CEP128: variants seen among roughly 807,000 people sequenced by gnomAD.
CEP128 encodes the protein centrosomal protein 128kDa.
Under a neutral mutation model 156.7 loss-of-function variants are expected in CEP128, and 132 were observed. That is an observed-to-expected ratio of 0.84 (90% confidence interval 0.73 to 0.97). CEP128 has a LOEUF of 0.97. Ranked by LOEUF, CEP128 falls within the 50% of genes least tolerant of loss-of-function variation. CEP128 has a pLI of 0.00. For missense variants in CEP128, 1,252 were observed against 1,281.9 expected (o/e 0.98, Z 0.36); for synonymous variants, 469 against 448.9 (o/e 1.04, Z -0.57).
chr14:80,776,620 A>G (rs1000286306), intron 16 of CEP128, among the ~76,000 whole-genome samples: 11 of 150,784 alleles, frequency 7.3e-5, no homozygotes, highest in Non-Finnish European at 1.5e-4. Context: ...AAGCACTAAG[A>G]AAGTTTCTTC....
chr14:80,664,228 C>T (rs905747847), intron 19 of CEP128, among the ~76,000 whole-genome samples: 1 of 152,024 alleles, frequency 6.6e-6, no homozygotes, highest in African/African-American at 2.4e-5. Context: ...TGGTGAGGGC[C>T]TCAAGAAAAG....
chr14:80,596,687 C>T (rs1188917007), intron 19 of CEP128, among the ~76,000 whole-genome samples: 2 of 150,002 alleles, frequency 1.3e-5, no homozygotes, highest in Non-Finnish European at 3.0e-5. Flanking sequence ...GTGGCTTGCA[C>T]CTATAGTCCT....
At chr14:80,544,308 T>C (rs1290094678) in intron 21 of CEP128, among the ~76,000 whole-genome samples, 17 of 152,140 alleles carry the variant, frequency 1.1e-4, no homozygotes, top group Non-Finnish European at 1.5e-5. Context: ...GTAATAAAAA[T>C]ACCATAAAGT....
At chr14:80,495,356 A>G (rs1450411688), downstream of CEP128, among the ~76,000 whole-genome samples, 1 of 152,140 alleles carries the variant, frequency 6.6e-6, no homozygotes, top group East Asian at 1.9e-4. Flanking sequence ...CTCAGAGGAG[A>G]CAGGTCCCTG....
At chr14:80,516,564 A>G (rs2371299) in intron 23 of CEP128, among the ~76,000 whole-genome samples, 122,343 of 151,702 alleles carry the variant, frequency 0.81, 50,811 homozygotes, top group Middle Eastern at 0.9. Context: ...GTTTATTGAG[A>G]ATCCCACAGT....
chr14:80,612,692 G>A (rs548521056), intron 19 of CEP128, among the ~76,000 whole-genome samples: 1 of 152,130 alleles, frequency 6.6e-6, no homozygotes, highest in Non-Finnish European at 1.5e-5. Flanking sequence ...TACTATTAGT[G>A]AAATTTAAAA....
At chr14:80,873,830 A>G (rs1328215669) in intron 8 of CEP128, among the ~76,000 whole-genome samples, 1 of 152,110 alleles carries the variant, frequency 6.6e-6, no homozygotes, top group African/African-American at 2.4e-5. Context: ...CGAATATTTT[A>G]AATAAAATAT....
chr14:80,820,866 G>A (rs1303400241), intron 13 of CEP128, among the ~76,000 whole-genome samples: 1 of 152,006 alleles, frequency 6.6e-6, no homozygotes, highest in Non-Finnish European at 1.5e-5. Flanking sequence ...CTAAGGAAGA[G>A]CAAAATACAA....
At chr14:80,616,055 C>T (rs948020509) in intron 19 of CEP128, among the ~76,000 whole-genome samples, 2 of 152,168 alleles carry the variant, frequency 1.3e-5, no homozygotes, top group Non-Finnish European at 2.9e-5. Context: ...GAAACTAAAA[C>T]CACATCTGTG....
intron 18 of CEP128, among the ~76,000 whole-genome samples, chr14:80,744,554 A>T (rs1392432941): frequency 3.3e-5 from 5 of 152,220 alleles, no homozygotes; most frequent in Non-Finnish European, 1.5e-5. Flanking sequence ...AGAAACATTT[A>T]TTCAAGAAAC....
chr14:80,668,086 G>A (rs1471829396), intron 19 of CEP128, among the ~76,000 whole-genome samples: 1 of 152,138 alleles, frequency 6.6e-6, no homozygotes, highest in Non-Finnish European at 1.5e-5. Context: ...CATTTTACGT[G>A]AAGTAACACA....
chr14:80,713,861 G>T lies in CEP128; in HGVS notation c.2806+29214C>A, dbSNP rs542750847. On this transcript the variant is annotated intron_variant, in intron 19 of 24. Coordinates refer to ENST00000555265, the MANE Select transcript of CEP128 (RefSeq NM_152446.5). ...TCTGCAACTAGCCTATTTGCACAAA[G>T]AATCAAGAGTCAGCAGCATGAAAAA... Among the ~76,000 whole-genome samples the T allele has an allele frequency of 1.1e-4, 16 of 152,250 alleles. No individual in the cohort carries two copies. In the South Asian group the frequency reaches 3.3e-3, roughly 32 times the overall value.
chr14:80,593,415 C>A (rs1474764679), intron 19 of CEP128, among the ~76,000 whole-genome samples: 5 of 151,864 alleles, frequency 3.3e-5, no homozygotes, highest in African/African-American at 4.8e-5. Context: ...GTGGAAGGCG[C>A]CTGTAGTCCC....
At chr14:80,638,471 G>C (rs982951866) in intron 19 of CEP128, among the ~76,000 whole-genome samples, 1 of 152,098 alleles carries the variant, frequency 6.6e-6, no homozygotes, top group Admixed American at 6.6e-5. Flanking sequence ...CTCTTCCCCC[G>C]ATGTGCGTAG....
intron 9 of CEP128, among the ~76,000 whole-genome samples, chr14:80,861,492 A>T (rs887721042): frequency 6.6e-6 from 1 of 152,054 alleles, no homozygotes; most frequent in African/African-American, 2.4e-5. Flanking sequence ...GAAGGACATA[A>T]CTCCAATTAT....
chr14:80,499,026 A>G (rs1206270902), intron 24 of CEP128, among the ~76,000 whole-genome samples: 1 of 152,264 alleles, frequency 6.6e-6, no homozygotes, highest in East Asian at 1.9e-4. Flanking sequence ...AACCACTGTC[A>G]CATAAAATAA....
chr14:80,727,654 T>C (rs777048022), intron 19 of CEP128, among the ~76,000 whole-genome samples: 4 of 152,034 alleles, frequency 2.6e-5, no homozygotes, highest in Non-Finnish European at 5.9e-5. Context: ...CAACAATCTG[T>C]AAGGAACTTA....
intron 9 of CEP128, among the ~76,000 whole-genome samples, chr14:80,844,618 G>A (rs1044126929): frequency 1.1e-4 from 16 of 152,116 alleles, no homozygotes; most frequent in African/African-American, 3.9e-4. Context: ...ACGTAGTTAA[G>A]TAGGATTGAT....
chr14:80,927,449 CA>C (rs1885213203), intron 2 of CEP128, among the ~76,000 whole-genome samples: 1 of 152,202 alleles, frequency 6.6e-6, no homozygotes, highest in Non-Finnish European at 1.5e-5. Flanking sequence ...ACAGCCTTTC[CA>C]TAACACTTCA....
Sources: allele counts gnomAD v4.1 joint callset (sites outside exome capture counted in the v4.1 genomes callset), GRCh38; gene constraint gnomAD v4.1.1; transcripts MANE v1.5; gene names NCBI Gene and HGNC (gene_info 2026-07-23, HGNC 2026-07-21).